TENM4: variants seen among roughly 807,000 people sequenced by gnomAD.
The protein encoded by TENM4 is teneurin transmembrane protein 4.
TENM4 carries 82 observed loss-of-function variants against 243.3 expected under a neutral mutation model. The observed-to-expected ratio is 0.34, with a 90% CI of 0.28 to 0.40. The LOEUF (loss-of-function observed/expected upper bound fraction) is 0.40, where lower values mean the gene tolerates loss of function less well. Ranked by LOEUF, TENM4 falls within the 10% of genes least tolerant of loss-of-function variation. TENM4 has a pLI of 1.00. For synonymous variants in TENM4, 1,412 were observed against 1,456.3 expected (o/e 0.97, Z 0.69); for missense variants, 3,138 against 3,673.3 (o/e 0.85, Z 3.77).
intron 7 of TENM4, among the ~76,000 whole-genome samples, chr11:78,895,375 T>C (rs1003770054): frequency 6.6e-6 from 1 of 151,990 alleles, no homozygotes; most frequent in African/African-American, 2.4e-5. Context: ...AGTCTTGTTC[T>C]GTACTTTTAA....
At chr11:78,723,826 A>G (rs559401547) in intron 23 of TENM4, among the ~76,000 whole-genome samples, 1 of 152,298 alleles carries the variant, frequency 6.6e-6, no homozygotes, top group East Asian at 1.9e-4. Flanking sequence ...TAGCTTTGTC[A>G]AAGCTGTCCT....
At chr11:79,356,991 A>T (rs1857507776) in intron 1 of TENM4, among the ~76,000 whole-genome samples, 1 of 152,098 alleles carries the variant, frequency 6.6e-6, no homozygotes, top group African/African-American at 2.4e-5. Flanking sequence ...ATTGGGTGGG[A>T]AGGTGTTATC....
chr11:79,419,534 T>C (rs944050669), intron 1 of TENM4, among the ~76,000 whole-genome samples: 1 of 152,172 alleles, frequency 6.6e-6, no homozygotes, highest in Non-Finnish European at 1.5e-5. Flanking sequence ...TAAATTAGAT[T>C]GGCAAAAAGG....
rs1832670591 is a variant in TENM4 at position 79,215,913 on chromosome 11, T to C, written c.-264-4A>G. On this transcript the variant is annotated splice_polypyrimidine_tract_variant and splice_region_variant and intron_variant, in intron 2 of 33. Coordinates refer to ENST00000278550, the MANE Select transcript of TENM4 (RefSeq NM_001098816.3). ...GGAGGATGGTGCGGGATCTTTTCTGTTGAAGCAGAGAACACAGATCCAACT... is the reference window on the plus strand; with the variant it reads ...GGAGGATGGTGCGGGATCTTTTCTGCTGAAGCAGAGAACACAGATCCAACT... 7 of 971,064 alleles carry C rather than the reference T, an allele frequency of 7.2e-6. No individual in the cohort carries two copies. The South Asian group carries it at 2.4e-4, about 33-fold the overall frequency. 60.2% of individuals were successfully genotyped at this position (971,064 alleles called of 1,614,324 possible).
At chr11:79,102,408 A>C (rs527656205) in intron 4 of TENM4, among the ~76,000 whole-genome samples, 1 of 152,210 alleles carries the variant, frequency 6.6e-6, no homozygotes, top group Non-Finnish European at 1.5e-5. Flanking sequence ...CTGAAGCTCC[A>C]ACACTCCTCA....
chr11:78,665,533 A>G lies in TENM4; in HGVS notation c.7408+3404T>C, dbSNP rs111696224. 2.4e-3 allele frequency among the ~76,000 whole-genome samples: 364 copies of G among 152,294 alleles called. 3 individuals are homozygous for G. Among genetic ancestry groups the G allele is most frequent in the African/African-American group, 8.2e-3 (339 of 41,562 alleles). Reference sequence around the variant, plus strand: ...GTGACCTGCCCACCTTGGCCTCCCAAAGTGTTGGGATTGCAGGCATGAGCC... The same window carrying G: ...GTGACCTGCCCACCTTGGCCTCCCAGAGTGTTGGGATTGCAGGCATGAGCC... On this transcript the variant is annotated intron_variant, in intron 32 of 33. Transcript: ENST00000278550.
rs745950858 is a variant in TENM4 at position 78,669,821 on chromosome 11, C to A, written c.6524G>T (p.Arg2175Leu). 1.9e-6 allele frequency: 3 copies of A among 1,613,912 alleles called. No homozygotes were observed. Among genetic ancestry groups the A allele is most frequent in the African/African-American group, 1.3e-5 (1 of 75,048 alleles). Residue 2175 changes from arginine (R) to leucine (L), a missense_variant, in exon 32 of 34, where the codon CGA (arginine) becomes CTA (leucine). Arg to Leu is a moderately radical substitution (Grantham distance 102, BLOSUM62 -2). Around this residue, in one of 2 missense-constraint regions of TENM4, gnomAD observed 2,467 missense variants for 3,059.1 expected, o/e 0.81. Coordinates refer to ENST00000278550, the MANE Select transcript of TENM4 (RefSeq NM_001098816.3). The surrounding 1 kb of genome is among the most constrained non-coding windows in gnomAD (Gnocchi z 6.4). ...TACCTTCAGCTCCTTCTTCACTACT[C>A]GCCCCATGTTATCATACTGGACGGT... ...WMTVQYDNMG[R>L]VVKKELKVGP...
At chr11:79,020,552 C>T (rs1380879326) in intron 6 of TENM4, among the ~76,000 whole-genome samples, 4 of 152,060 alleles carry the variant, frequency 2.6e-5, no homozygotes, top group Admixed American at 6.6e-5. Flanking sequence ...AGCTCTAATT[C>T]CTCCTTCCCA....
At chr11:78,832,961 T>C (rs940321878) in intron 12 of TENM4, among the ~76,000 whole-genome samples, 1 of 152,234 alleles carries the variant, frequency 6.6e-6, no homozygotes, top group African/African-American at 2.4e-5. Flanking sequence ...TGCATGCTTA[T>C]TTGGGTCGAA....
chr11:78,726,135 G>C lies in TENM4; in HGVS notation c.3494C>G (p.Ala1165Gly). The part of the protein sequence containing the change: ...TTVLQGYEID[A>G]SKLGGWSLDK... ...TAGGCTCCATCCTCCAAGCTTGGAC[G>C]CGTCAATTTCATAGCCCTGCAGCAC... is the stretch of plus-strand genomic sequence containing the variant. Residue 1165 changes from alanine to glycine, a missense_variant, in exon 23 of 34, where the codon GCG (alanine) becomes GGG (glycine). This residue lies in a region of TENM4 where 2,467 missense variants were observed against 3,059.1 expected (regional missense o/e 0.81). Transcript: ENST00000278550. The C allele has an allele frequency of 6.2e-7, 1 of 1,613,990 alleles. No individual in the cohort carries two copies. The highest frequency in any genetic ancestry group is 8.5e-7 in the Non-Finnish European group (1 of 1,179,890).
chr11:79,069,775 C>A lies in TENM4; in HGVS notation c.170G>T (p.Gly57Val). 6.4e-7 allele frequency: 1 copy of A among 1,551,336 alleles called. No individual in the cohort carries two copies. The highest frequency in any genetic ancestry group is 8.7e-7 in the Non-Finnish European group (1 of 1,146,922). Reference sequence around the variant, plus strand: ...CGGCACAATGTCCTTGACGCGGCTGCCATAGGCTAGGCGGGCGTCCTGGTC... The same window carrying A: ...CGGCACAATGTCCTTGACGCGGCTGACATAGGCTAGGCGGGCGTCCTGGTC... ...AYDQDARLAY[G>V]SRVKDIVPQE... Residue 57 changes from glycine to valine, a missense_variant, in exon 5 of 34, where the codon GGC becomes GTC. By Grantham distance (109) the Gly-to-Val change is moderately radical. Transcript: ENST00000278550.
chr11:78,811,366 C>A (rs187446709), intron 14 of TENM4, among the ~76,000 whole-genome samples: 249 of 152,314 alleles, frequency 1.6e-3, no homozygotes, highest in African/African-American at 5.7e-3. Flanking sequence ...TGACTGTGGG[C>A]AAGTCACTGC....
rs868522083 is a variant in TENM4 at position 78,658,549 on chromosome 11, G to A, written c.7819C>T (p.Leu2607=). The A allele has an allele frequency of 1.9e-6, 3 of 1,613,896 alleles. No individual in the cohort carries two copies. The highest frequency in any genetic ancestry group is 1.7e-5 in the Admixed American group (1 of 60,004). ...ILNHAHYLEN[L]HFTIDGVDTH... is the part of the protein sequence containing the mutation. ...TCCACCCCATCAATGGTGAAGTGCA[G>A]GTTCTCTAGGTAGTGGGCATGGTTC... The change falls in exon 34 of 34, where the codon CTG becomes TTG. Residue 2607 remains leucine, a synonymous_variant. Coordinates refer to ENST00000278550, the MANE Select transcript of TENM4 (RefSeq NM_001098816.3).
intron 12 of TENM4, among the ~76,000 whole-genome samples, chr11:78,848,378 G>C (rs1858452800): frequency 6.6e-6 from 1 of 152,052 alleles, no homozygotes; most frequent in Admixed American, 6.6e-5. Flanking sequence ...GCCCTTTAAG[G>C]CATCCTGGGC....
At chr11:79,264,440 C>A (rs748917740) in intron 2 of TENM4, among the ~76,000 whole-genome samples, 1 of 152,136 alleles carries the variant, frequency 6.6e-6, no homozygotes, top group Non-Finnish European at 1.5e-5. Flanking sequence ...GAGTGGTAAA[C>A]CGACAAGGGC....
chr11:78,731,797 C>A (rs1005884216), intron 21 of TENM4, among the ~76,000 whole-genome samples: 2 of 152,138 alleles, frequency 1.3e-5, no homozygotes, highest in African/African-American at 4.8e-5. Context: ...ATGAAGGCAG[C>A]GTGTGTTAAA....
chr11:78,959,531 C>CAGATGGCAG (rs1294488271), intron 6 of TENM4, among the ~76,000 whole-genome samples: 1 of 152,096 alleles, frequency 6.6e-6, no homozygotes, highest in Non-Finnish European at 1.5e-5. Context: ...AGGCAGGGTC[C>CAGATGGCAG]AGATGGCAGA....
chr11:78,823,485 G>A (rs983362201), intron 12 of TENM4, among the ~76,000 whole-genome samples: 3 of 152,204 alleles, frequency 2.0e-5, no homozygotes, highest in Admixed American at 1.3e-4. Flanking sequence ...TCAGGAGCAG[G>A]AGCCAAGGGG....
In TENM4 at chr11:79,412,943, A is replaced by T. The variant is rs372167043; in HGVS notation, c.-321+27566T>A. Among the ~76,000 whole-genome samples the T allele has an allele frequency of 1.0e-3, 156 of 152,362 alleles. 2 individuals carry two copies. In the South Asian group the frequency reaches 0.031, roughly 31 times the overall value. ...ACTCAGTCCAGAAAGGAAGGCAGAC[A>T]CAGATATGAGTCACTACATAACAAA... On this transcript the variant is annotated intron_variant, in intron 1 of 33. Transcript: ENST00000278550.
Sources: gnomAD v4.1 joint callset for allele counts (sites outside exome capture counted in the v4.1 genomes callset) on GRCh38, gnomAD v4.1.1 for gene constraint, gnomAD v4.1.1 regional missense constraint, Gnocchi (gnomAD v3.1) non-coding constraint, MANE v1.5 for transcripts, NCBI Gene and HGNC (gene_info 2026-07-23, HGNC 2026-07-21) for gene names.